RTTN: variants seen among roughly 807,000 people sequenced by gnomAD.
RTTN encodes rotatin.
Under a neutral mutation model 269.2 loss-of-function variants are expected in RTTN, and 182 were observed. The ratio of observed to expected loss-of-function variants is 0.68; its 90% CI spans 0.60 to 0.76. The LOEUF is 0.76. RTTN is among the 30% of genes least tolerant of loss of function. The probability of loss-of-function intolerance (pLI) is 0.00; values close to 1 mark genes in which losing one functional copy is unlikely to be tolerated. For missense variants in RTTN, 2,545 were observed against 2,608.6 expected, an observed-to-expected ratio of 0.98 and a Z score of 0.53; for synonymous variants, 1,006 against 963.5, an observed-to-expected ratio of 1.04 and a Z score of -0.82.
intron 28 of RTTN, among the ~76,000 whole-genome samples, chr18:70,103,834 A>C (rs2059246642): frequency 6.6e-6 from 1 of 150,676 alleles, no homozygotes; most frequent in Non-Finnish European, 1.5e-5. Flanking sequence ...CTTCTGGCTT[A>C]TAGAGTTTCT....
At chr18:70,114,721 C>G (rs1205166446) in intron 26 of RTTN, 122 bp from the exon 27 acceptor site, 1 of 611,194 alleles carries the variant, frequency 1.6e-6, no homozygotes, top group Admixed American at 3.5e-5. Flanking sequence ...TAGGTGTGGG[C>G]CTTTACTGCA....
intron 28 of RTTN, among the ~76,000 whole-genome samples, chr18:70,102,103 C>A (rs1193014398): frequency 6.6e-6 from 1 of 152,128 alleles, no homozygotes; most frequent in East Asian, 1.9e-4. Flanking sequence ...CCACTTGGTG[C>A]AGAGCTGAGT....
chr18:70,027,276 A>G (rs2145569880), intron 43 of RTTN, among the ~76,000 whole-genome samples: 2 of 152,312 alleles, frequency 1.3e-5, no homozygotes, highest in East Asian at 1.9e-4. Flanking sequence ...GAATTACCCA[A>G]TAGTGGCCAA....
At chr18:70,028,909 T>C in intron 42 of RTTN, 108 bp from the exon 43 acceptor site, 1 of 623,576 alleles carries the variant, frequency 1.6e-6, no homozygotes, top group East Asian at 2.9e-5. Context: ...AGGTGTGCTC[T>C]AATCATGCCC....
Position 70,088,151 on chromosome 18 carries a change from T to C in RTTN, c.4144-4A>G, listed in dbSNP as rs756209832. On this transcript the variant is annotated splice_polypyrimidine_tract_variant and splice_region_variant and intron_variant, in intron 30 of 48. Transcript: ENST00000640769. ...ATCCCAGTGAAGTGAATCTCACCTG[T>C]TCAAATTAAAGAGAAAGTTGTTGAA... is the stretch of plus-strand genomic sequence containing the variant. The C allele has an allele frequency of 1.1e-5, 17 of 1,596,328 alleles. No homozygotes were observed. In the Admixed American group the frequency reaches 2.3e-4, roughly 22 times the overall value.
Position 70,105,486 on chromosome 18 carries a change from G to A in RTTN, c.3903+4012C>T, listed in dbSNP as rs1004356555. On this transcript the variant is annotated intron_variant, in intron 28 of 48. Coordinates refer to ENST00000640769, the MANE Select transcript of RTTN (RefSeq NM_173630.4). ...CCCGCCCTGCTTCTGCTCACAGTCC[G>A]TGGGCTGCACCCACTGTCCGACAAG... 3.3e-5 allele frequency among the ~76,000 whole-genome samples: 5 copies of A among 152,242 alleles called. No homozygotes were observed. In the South Asian group the frequency reaches 6.2e-4, roughly 19 times the overall value.
chr18:70,152,028 A>T (rs1387964055), intron 14 of RTTN, among the ~76,000 whole-genome samples: 3 of 152,094 alleles, frequency 2.0e-5, no homozygotes, highest in Non-Finnish European at 4.4e-5. Flanking sequence ...GACACCAACA[A>T]CCTCAACGAT....
intron 38 of RTTN, 152 bp from the exon 39 acceptor site, chr18:70,051,700 A>C (rs181067320): frequency 2.5e-4 from 132 of 521,112 alleles, no homozygotes; most frequent in Admixed American, 1.2e-3. Flanking sequence ...CATTATCCAA[A>C]ATTTATTTCA....
Position 70,205,268 on chromosome 18 carries a change from A to C in RTTN, c.79T>G (p.Cys27Gly). The C allele has an allele frequency of 6.2e-7, 1 of 1,614,250 alleles. No homozygotes were observed. The change falls in exon 2 of 49, where the codon TGC becomes GGC. Residue 27 changes from cysteine to glycine, a missense_variant. Cys to Gly is a radical substitution (Grantham distance 159). Transcript: ENST00000640769. ...CAGATTAAGTTGTGCTCAATCTTGC[A>C]GAGAATACTCTTGAGAGCGCGCTCC... ...IRERALKSIL[C>G]KIEHNLICYA...
chr18:70,088,616 T>C (rs868414788), intron 30 of RTTN, among the ~76,000 whole-genome samples: 3 of 152,216 alleles, frequency 2.0e-5, no homozygotes, highest in South Asian at 4.1e-4. Flanking sequence ...TCAAAAGTTA[T>C]TCAAGAGAAA....
chr18:70,052,282 A>T (rs147893272), intron 38 of RTTN, among the ~76,000 whole-genome samples: 1 of 152,166 alleles, frequency 6.6e-6, no homozygotes, highest in Non-Finnish European at 1.5e-5. Context: ...GGTGTACTTC[A>T]GCACCTATGA....
intron 5 of RTTN, 67 bp from the exon 6 acceptor site, chr18:70,197,805 G>T: frequency 1.1e-6 from 1 of 941,850 alleles, no homozygotes; most frequent in Non-Finnish European, 1.7e-6. Flanking sequence ...GTAGCCTACT[G>T]ACACAATGAC....
chr18:70,080,286 T>A (rs2058221661), intron 32 of RTTN, among the ~76,000 whole-genome samples: 1 of 152,090 alleles, frequency 6.6e-6, no homozygotes, highest in African/African-American at 2.4e-5. Flanking sequence ...AGAACGCAGA[T>A]CTTGGTTTCT....
At chr18:70,098,031 G>T (rs539668819) in intron 28 of RTTN, among the ~76,000 whole-genome samples, 3 of 146,270 alleles carry the variant, frequency 2.1e-5, no homozygotes, top group African/African-American at 7.3e-5. Flanking sequence ...GATAAATAGA[G>T]TATTTATAAA....
At position 70,048,002 on chromosome 18, in the gene RTTN, G is replaced by C; in HGVS notation, c.5510C>G (p.Ser1837Cys). The C allele has an allele frequency of 2.5e-6, 4 of 1,614,006 alleles. No homozygotes were observed. Among genetic ancestry groups the C allele is most frequent in the Admixed American group, 1.7e-5 (1 of 60,006 alleles). ...LLDDSQENQK[S>C]LEQLSDVILQ... ...GATTACATCACTAAGTTGTTCTAGA[G>C]ATTTCTGATTTTCCTGAGAGTCATC... Residue 1837 changes from serine (S) to cysteine (C), a missense_variant, in exon 40 of 49, where the codon TCT becomes TGT. Physicochemically the swap from Ser to Cys is moderately radical, Grantham distance 112. Transcript: ENST00000640769.
chr18:70,085,422 C>T (rs2058676224), intron 32 of RTTN, among the ~76,000 whole-genome samples: 1 of 152,082 alleles, frequency 6.6e-6, no homozygotes, highest in Non-Finnish European at 1.5e-5. Flanking sequence ...TGGATTCATG[C>T]TTCGGGTCAT....
chr18:70,152,248 C>T (rs961950455), intron 14 of RTTN, among the ~76,000 whole-genome samples: 6 of 152,032 alleles, frequency 3.9e-5, no homozygotes, highest in Non-Finnish European at 8.8e-5. Context: ...CTAATCTGGG[C>T]TCCACACTCC....
chr18:70,154,995 T>C (rs2060636998), intron 14 of RTTN, among the ~76,000 whole-genome samples: 1 of 152,104 alleles, frequency 6.6e-6, no homozygotes, highest in Non-Finnish European at 1.5e-5. Flanking sequence ...AAATACAGAC[T>C]CAATAGAAGG....
At position 70,204,271 on chromosome 18, in the gene RTTN, A is replaced by T; in HGVS notation, c.220-8T>A. Reference sequence around the variant, plus strand: ...TTGGACTGCTGGGGGATACTAAAATAAGAAGAGGATGATCTTGAGAATAAC... The same window carrying T: ...TTGGACTGCTGGGGGATACTAAAATTAGAAGAGGATGATCTTGAGAATAAC... On this transcript the variant is annotated splice_region_variant and splice_polypyrimidine_tract_variant and intron_variant, in intron 2 of 48. Transcript: ENST00000640769. The T allele has an allele frequency of 1.9e-6, 3 of 1,596,016 alleles. No individual in the cohort carries two copies. The highest frequency in any genetic ancestry group is 2.6e-6 in the Non-Finnish European group (3 of 1,173,260).
Sources: gnomAD v4.1 joint callset for allele counts (sites outside exome capture counted in the v4.1 genomes callset) on GRCh38, gnomAD v4.1.1 for gene constraint, MANE v1.5 for transcripts, NCBI Gene and HGNC (gene_info 2026-07-23, HGNC 2026-07-21) for gene names.